EEF2K: variants seen among roughly 807,000 people sequenced by gnomAD.
EEF2K encodes the protein alternative protein EEF2K.
A neutral mutation model predicts 93.8 loss-of-function variants in EEF2K; 70 were observed. The observed-to-expected ratio is 0.75, with a 90% CI of 0.62 to 0.91. The LOEUF (loss-of-function observed/expected upper bound fraction) is 0.91. EEF2K is among the 40% of genes least tolerant of loss of function. EEF2K has a pLI of 0.00. For missense variants in EEF2K, 935 were observed against 972.9 expected (o/e 0.96, Z 0.52); for synonymous variants, 376 against 380.8 (o/e 0.99, Z 0.15).
chr16:22,254,268 C>T lies in EEF2K; in HGVS notation c.619-2480C>T, dbSNP rs192618406. Among the ~76,000 whole-genome samples, 329 of 152,328 alleles carry T rather than the reference C, an allele frequency of 2.2e-3. 4 individuals carry two copies. The highest frequency in any genetic ancestry group is 7.6e-3 in the African/African-American group (316 of 41,580). ...CCCTCTGGCCCAGCAGGTGGCCCTG[C>T]TGTAAGTTTCCTTGTAGGGATGGGA... On this transcript the variant is annotated intron_variant, in intron 6 of 17. Transcript: ENST00000263026.
rs184934840 is a variant in EEF2K, at chr16:22,239,662, T to C, written c.247-4968T>C. On this transcript the variant is annotated intron_variant, in intron 2 of 17. Coordinates refer to ENST00000263026, the MANE Select transcript of EEF2K (RefSeq NM_013302.5). Reference sequence around the variant, plus strand: ...CCTGTCTGTACAGAAATTTAAAAAATTAGCCAGGCATGATGGCAAGCGCCT... The same window carrying C: ...CCTGTCTGTACAGAAATTTAAAAAACTAGCCAGGCATGATGGCAAGCGCCT... Among the ~76,000 whole-genome samples the C allele has an allele frequency of 3.9e-4, 60 of 152,128 alleles. No homozygotes were observed. The East Asian group carries it at 6.0e-3, about 15-fold the overall frequency.
chr16:22,217,368 A>T (rs2142101391), intron 1 of EEF2K, among the ~76,000 whole-genome samples: 1 of 151,996 alleles, frequency 6.6e-6, no homozygotes, highest in Admixed American at 6.6e-5. Flanking sequence ...CACCTATATG[A>T]TCATATACAG....
chr16:22,274,168 C>T (rs2047612432), intron 16 of EEF2K, among the ~76,000 whole-genome samples: 1 of 152,058 alleles, frequency 6.6e-6, no homozygotes, highest in African/African-American at 2.4e-5. Context: ...TAGGGCCGGG[C>T]ATGGTGGCTC....
intron 2 of EEF2K, among the ~76,000 whole-genome samples, chr16:22,228,771 C>CG (rs2047088355): frequency 6.6e-6 from 1 of 152,060 alleles, no homozygotes; most frequent in Non-Finnish European, 1.5e-5. Flanking sequence ...GCTCGAGCTT[C>CG]GGGGTAAGGG....
intron 2 of EEF2K, among the ~76,000 whole-genome samples, chr16:22,235,954 C>T (rs749238312): frequency 1.3e-5 from 2 of 152,016 alleles, no homozygotes; most frequent in South Asian, 2.1e-4. Context: ...TGCGCCATCA[C>T]GCCTGGCTAA....
intron 16 of EEF2K, among the ~76,000 whole-genome samples, chr16:22,274,963 G>T (rs1339070054): frequency 6.6e-6 from 1 of 152,184 alleles, no homozygotes; most frequent in Non-Finnish European, 1.5e-5. Flanking sequence ...ATGTAAAGGG[G>T]CTTGCCCATG....
chr16:22,249,585 T>A (rs1567275707), intron 4 of EEF2K, among the ~76,000 whole-genome samples: 1 of 151,988 alleles, frequency 6.6e-6, no homozygotes, highest in Non-Finnish European at 1.5e-5. Flanking sequence ...ATTTTTTTGC[T>A]TCATATAAGT....
At chr16:22,207,539 AT>A (rs1433606622) in intron 1 of EEF2K, among the ~76,000 whole-genome samples, 1 of 152,098 alleles carries the variant, frequency 6.6e-6, no homozygotes, top group Non-Finnish European at 1.5e-5. Context: ...GAAAGAGTAG[AT>A]GAGTATGTAT....
chr16:22,249,520 A>T (rs902600529), intron 4 of EEF2K, among the ~76,000 whole-genome samples: 5 of 152,082 alleles, frequency 3.3e-5, no homozygotes, highest in African/African-American at 1.2e-4. Context: ...CACTCCTCCC[A>T]TACCCACAGG....
intron 2 of EEF2K, among the ~76,000 whole-genome samples, chr16:22,237,805 C>A (rs921409058): frequency 5.9e-5 from 9 of 152,226 alleles, no homozygotes; most frequent in Non-Finnish European, 1.2e-4. Context: ...ATATTAGTTT[C>A]ATATAAATTA....
chr16:22,260,999 C>T (rs2047456839), intron 11 of EEF2K, among the ~76,000 whole-genome samples: 1 of 152,218 alleles, frequency 6.6e-6, no homozygotes, highest in Non-Finnish European at 1.5e-5. Context: ...AAACTGAAGG[C>T]ATCTTATCTG....
At chr16:22,243,030 T>G (rs572685143) in intron 2 of EEF2K, among the ~76,000 whole-genome samples, 1 of 151,302 alleles carries the variant, frequency 6.6e-6, no homozygotes, top group East Asian at 2.0e-4. Context: ...GCCACTGCAC[T>G]CCGGCCTGGG....
chr16:22,250,515 GA>G, intron 4 of EEF2K, 138 bp from the exon 5 acceptor site: 2 of 988,614 alleles, frequency 2.0e-6, no homozygotes, highest in Non-Finnish European at 3.1e-6. Context: ...ATAGAAGGGA[GA>G]TCCCCAGGGA....
Position 22,257,260 on chromosome 16 carries a change from G to T in EEF2K, c.776G>T (p.Ser259Ile). The change falls in exon 8 of 18, where the codon AGC becomes ATC. Residue 259 changes from serine (S) to isoleucine (I), a missense_variant. Ser to Ile is a moderately radical substitution (Grantham distance 142, BLOSUM62 -2). Coordinates refer to ENST00000263026, the MANE Select transcript of EEF2K (RefSeq NM_013302.5). ...DNIRLTPQAF[S>I]HFTFERSGHQ... Reference sequence around the variant, plus strand: ...CCTTCCTGTCCCCTGTAGGCCTTCAGCCACTTCACTTTTGAGCGTTCCGGC... The same window carrying T: ...CCTTCCTGTCCCCTGTAGGCCTTCATCCACTTCACTTTTGAGCGTTCCGGC... 6.2e-7 allele frequency: 1 copy of T among 1,614,102 alleles called. No homozygotes were observed.
intron 1 of EEF2K, among the ~76,000 whole-genome samples, chr16:22,209,176 C>A (rs992630259): frequency 6.6e-6 from 1 of 152,152 alleles, no homozygotes; most frequent in Non-Finnish European, 1.5e-5. Flanking sequence ...GGACTACAGG[C>A]ACATGCCACC....
intron 15 of EEF2K, among the ~76,000 whole-genome samples, chr16:22,271,067 T>G (rs1441986247): frequency 6.6e-6 from 1 of 151,586 alleles, no homozygotes; most frequent in Non-Finnish European, 1.5e-5. Context: ...CCTCCCAGGT[T>G]CAAACGATTC....
rs947571370 is a variant in EEF2K at position 22,251,226 on chromosome 16, G to A, written c.522G>A (p.Glu174=). The change falls in exon 6 of 18, where the codon GAG becomes GAA. Residue 174 remains glutamate (E), a synonymous_variant. Coordinates refer to ENST00000263026, the MANE Select transcript of EEF2K (RefSeq NM_013302.5). The part of the protein sequence containing the change: ...ASNYVAKRYI[E]PVDRDVYFED... ...ACTACGTGGCGAAGCGCTACATCGA[G>A]CCCGTAGACCGGGATGTGTACTTTG... 2 of 1,614,156 alleles carry A rather than the reference G, an allele frequency of 1.2e-6. No homozygotes were observed. The highest frequency in any genetic ancestry group is 4.5e-5 in the East Asian group (2 of 44,866).
chr16:22,235,911 C>A (rs2047163031), intron 2 of EEF2K, among the ~76,000 whole-genome samples: 1 of 152,174 alleles, frequency 6.6e-6, no homozygotes, highest in African/African-American at 2.4e-5. Flanking sequence ...GATCCTCCCA[C>A]CCCAGCTCCC....
intron 15 of EEF2K, among the ~76,000 whole-genome samples, chr16:22,271,412 G>C (rs2047580385): frequency 6.6e-6 from 1 of 152,000 alleles, no homozygotes; most frequent in South Asian, 2.1e-4. Context: ...AAGTAGGCTG[G>C]GCATGGTGGC....
Sources: allele counts gnomAD v4.1 joint callset (sites outside exome capture counted in the v4.1 genomes callset), GRCh38; gene constraint gnomAD v4.1.1; transcripts MANE v1.5; gene names NCBI Gene and HGNC (gene_info 2026-07-23, HGNC 2026-07-21).